The following NAV2 variants were observed in gnomAD, a reference collection of about 807,000 sequenced individuals.
NAV2 encodes the protein helicase, APC down-regulated 1.
Under a neutral mutation model 223.2 loss-of-function variants are expected in NAV2, and 54 were observed. The observed-to-expected ratio is 0.24, with a 90% confidence interval of 0.19 to 0.30. The LOEUF (loss-of-function observed/expected upper bound fraction) is 0.30. Ranked by LOEUF, NAV2 falls within the 10% of genes least tolerant of loss-of-function variation. The pLI is 1.00. For missense variants in NAV2, 2,806 were observed against 3,147.5 expected (o/e 0.89, Z 2.60); for synonymous variants, 1,279 against 1,239.3 (o/e 1.03, Z -0.67).
At chr11:19,732,317 A>G (rs1193051601) in intron 1 of NAV2, among the ~76,000 whole-genome samples, 1 of 151,896 alleles carries the variant, frequency 6.6e-6, no homozygotes, top group African/African-American at 2.4e-5. Context: ...TTTCAGCGCC[A>G]TCTCTACTGT....
intron 23 of NAV2, 90 bp downstream of exon 23, chr11:20,077,725 A>T (rs1729823056): frequency 9.5e-7 from 1 of 1,055,972 alleles, no homozygotes; most frequent in Admixed American, 1.9e-5. Flanking sequence ...CATTGTGTGG[A>T]TGTTAATGTA....
intron 1 of NAV2, among the ~76,000 whole-genome samples, chr11:19,424,361 C>G (rs937411783): frequency 1.3e-5 from 2 of 152,100 alleles, no homozygotes; most frequent in African/African-American, 4.8e-5. Context: ...TTAAATATTT[C>G]CAGAAGGTTG....
intron 6 of NAV2, among the ~76,000 whole-genome samples, chr11:19,911,675 C>T (rs1001041672): frequency 6.6e-5 from 10 of 152,052 alleles, no homozygotes; most frequent in Non-Finnish European, 1.2e-4. Context: ...CCAAATTGAC[C>T]TCAGACAGTG....
chr11:20,021,116 C>G (rs534422227), intron 11 of NAV2, among the ~76,000 whole-genome samples: 1 of 152,322 alleles, frequency 6.6e-6, no homozygotes, highest in East Asian at 1.9e-4. Context: ...CAAATCACAT[C>G]TTCTTCTTTA....
chr11:19,969,436 A>G (rs1159652263), intron 10 of NAV2, among the ~76,000 whole-genome samples: 1 of 152,170 alleles, frequency 6.6e-6, no homozygotes, highest in Non-Finnish European at 1.5e-5. Context: ...AGATGCAAGG[A>G]TGCATCTTAT....
chr11:19,399,026 A>G (rs1176608402), intron 1 of NAV2, among the ~76,000 whole-genome samples: 1 of 152,218 alleles, frequency 6.6e-6, no homozygotes, highest in East Asian at 1.9e-4. Context: ...GCCTCATAAA[A>G]TGGTCACTTT....
intron 8 of NAV2, among the ~76,000 whole-genome samples, chr11:19,944,918 CTTTCT>C (rs377140668): frequency 6.3e-5 from 9 of 142,466 alleles, no homozygotes; most frequent in South Asian, 2.3e-4. Flanking sequence ...CCTTCTCTTT[CTTTCT>C]TTTCTTTTCT....
chr11:19,794,672 G>C (rs2057772272), intron 1 of NAV2, among the ~76,000 whole-genome samples: 1 of 152,040 alleles, frequency 6.6e-6, no homozygotes, highest in Non-Finnish European at 1.5e-5. Flanking sequence ...AATCTTTCCT[G>C]TTATGCCCTC....
chr11:19,507,303 T>G (rs1025287412), intron 1 of NAV2: 1 of 152,250 alleles, frequency 6.6e-6, no homozygotes, highest in African/African-American at 2.4e-5. Flanking sequence ...AGCTGTTGTT[T>G]CATTTCCCCC....
At chr11:19,441,988 T>C (rs1037800640) in intron 1 of NAV2, among the ~76,000 whole-genome samples, 1 of 152,240 alleles carries the variant, frequency 6.6e-6, no homozygotes, top group Non-Finnish European at 1.5e-5. Context: ...TGTGGTTTAA[T>C]TGTGCCTGCT....
chr11:19,398,365 A>G (rs1849550362), intron 1 of NAV2, among the ~76,000 whole-genome samples: 1 of 152,096 alleles, frequency 6.6e-6, no homozygotes, highest in Non-Finnish European at 1.5e-5. Context: ...AACCCCCTTG[A>G]TCCAATCACC....
chr11:19,416,644 T>C (rs1294908413), intron 1 of NAV2, among the ~76,000 whole-genome samples: 1 of 152,044 alleles, frequency 6.6e-6, no homozygotes, highest in African/African-American at 2.4e-5. Flanking sequence ...GCCAAGACAA[T>C]CCTAAGCAAA....
chr11:19,493,684 G>T (rs940217212), intron 1 of NAV2, among the ~76,000 whole-genome samples: 2 of 152,146 alleles, frequency 1.3e-5, no homozygotes, highest in Non-Finnish European at 2.9e-5. Flanking sequence ...GCATGTGGCA[G>T]GTGGGATTGG....
At chr11:19,712,829 A>C (rs939986872), upstream of NAV2, among the ~76,000 whole-genome samples, 1 of 151,402 alleles carries the variant, frequency 6.6e-6, no homozygotes, top group African/African-American at 2.4e-5. Flanking sequence ...CAGCGCCGGC[A>C]GCAGCCTGTC....
chr11:20,087,755 G>T (rs1173381481), intron 26 of NAV2, among the ~76,000 whole-genome samples: 2 of 152,164 alleles, frequency 1.3e-5, no homozygotes, highest in African/African-American at 4.8e-5. Context: ...GAGCTGAGCA[G>T]ACCTGCCAGG....
chr11:19,535,940 A>G (rs887056646), intron 1 of NAV2, among the ~76,000 whole-genome samples: 20 of 152,162 alleles, frequency 1.3e-4, no homozygotes, highest in African/African-American at 4.3e-4. Context: ...GTGGCCACAG[A>G]TACATTAGGA....
intron 10 of NAV2, among the ~76,000 whole-genome samples, chr11:19,953,736 T>C (rs1236071471): frequency 1.3e-5 from 2 of 152,206 alleles, no homozygotes; most frequent in South Asian, 2.1e-4. Context: ...CAGACAGACT[T>C]GAGATTTAAT....
intron 18 of NAV2, 142 bp downstream of exon 18, chr11:20,054,382 C>T (rs568930231): frequency 1.3e-6 from 1 of 761,316 alleles, no homozygotes. Context: ...GTGGTGATTT[C>T]TGAGATTTTG....
chr11:19,668,133 A>G (rs1178134785), intron 1 of NAV2, among the ~76,000 whole-genome samples: 1 of 152,216 alleles, frequency 6.6e-6, no homozygotes, highest in African/African-American at 2.4e-5. Context: ...AGAGAATCTG[A>G]GCAGGCAGAG....
Sources: allele counts gnomAD v4.1 joint callset (sites outside exome capture counted in the v4.1 genomes callset), GRCh38; gene constraint gnomAD v4.1.1; transcripts MANE v1.5; gene names NCBI Gene and HGNC (gene_info 2026-07-23, HGNC 2026-07-21).